Variants in SLC22A24 observed in about 807,000 individuals in gnomAD.
SLC22A24 encodes solute carrier family 22 member 24.
SLC22A24 carries 53 observed loss-of-function variants against 49.8 expected under a neutral mutation model. That is an observed-to-expected ratio of 1.06 (90% confidence interval 0.85 to 1.34). The LOEUF is 1.34. SLC22A24 is among the 40% of genes most tolerant of loss of function. The pLI is 0.00. For synonymous variants in SLC22A24, 302 were observed against 256.4 expected (o/e 1.18, Z -1.70); for missense variants, 786 against 675.9 (o/e 1.16, Z -1.81).
rs368191604 is a variant in SLC22A24 at position 63,134,798 on chromosome 11, G to C, written c.403-30C>G. 8.5e-5 allele frequency: 124 copies of C among 1,464,626 alleles called. No homozygotes were observed. The African/African-American group carries it at 1.6e-3, about 18-fold the overall frequency. 90.7% of individuals were successfully genotyped at this position (1,464,626 alleles called of 1,614,324 possible). ...AAGAGAAAGAAAGCAGTACAGCAGAGCTTGAGAAGAGTTTCAACTCTTTAG... is the reference window on the plus strand; with the variant it reads ...AAGAGAAAGAAAGCAGTACAGCAGACCTTGAGAAGAGTTTCAACTCTTTAG... On this transcript the variant is annotated intron_variant, in intron 1 of 9. Transcript: ENST00000612278.
At chr11:63,117,482 A>T (rs557714235) in intron 4 of SLC22A24, among the ~76,000 whole-genome samples, 36 of 152,278 alleles carry the variant, frequency 2.4e-4, no homozygotes, top group African/African-American at 8.2e-4. Context: ...CAGAGCCCCA[A>T]GATCATCCAG....
At chr11:63,107,073 T>G (rs1401095943) in intron 4 of SLC22A24, among the ~76,000 whole-genome samples, 1 of 152,196 alleles carries the variant, frequency 6.6e-6, no homozygotes, top group Non-Finnish European at 1.5e-5. Flanking sequence ...GATCTAACAT[T>G]TAAGTCTTTA....
chr11:63,118,903 T>G lies in SLC22A24; in HGVS notation c.830+9A>C. On this transcript the variant is annotated intron_variant, in intron 4 of 9. Transcript: ENST00000612278. ...GCTTACAGGCAAAGAATGTGGAGAT[T>G]GTTCATACCAAGAGGACAAGAAGAG... The G allele has an allele frequency of 1.3e-6, 2 of 1,551,970 alleles. No homozygotes were observed. The highest frequency in any genetic ancestry group is 1.2e-5 in the South Asian group (1 of 84,054).
intron 2 of SLC22A24, among the ~76,000 whole-genome samples, chr11:63,133,565 T>A (rs1285028830): frequency 6.6e-6 from 1 of 152,142 alleles, no homozygotes; most frequent in Non-Finnish European, 1.5e-5. Context: ...AGTGCCTCCT[T>A]CAGAAGGAGC....
rs1161803368 is a variant in SLC22A24 at position 63,081,104 on chromosome 11, T to A, written c.1414A>T (p.Asn472Tyr). ...GCCCCAGTCCTACCGGACACTGCAT[T>A]GATTCCTGCAACTGTTGACCTTAGA... The part of the protein sequence containing the change: ...TILRSTVAGI[N>Y]AVSGRTGAAL... Residue 472 changes from asparagine to tyrosine, a missense_variant, in exon 9 of 10, where the codon AAT becomes TAT. Physicochemically the swap from Asn to Tyr is moderately radical, Grantham distance 143. Coordinates refer to ENST00000612278, the MANE Select transcript of SLC22A24 (RefSeq NM_001136506.2). 6.4e-7 allele frequency: 1 copy of A among 1,551,600 alleles called. No homozygotes were observed. Among genetic ancestry groups the A allele is most frequent in the Admixed American group, 2.0e-5 (1 of 51,008 alleles).
chr11:63,092,631 C>G (rs2087027979), intron 6 of SLC22A24, among the ~76,000 whole-genome samples: 1 of 148,338 alleles, frequency 6.7e-6, no homozygotes, highest in Non-Finnish European at 1.5e-5. Flanking sequence ...GGAAAACTGG[C>G]TATCTTTATG....
At chr11:63,089,949 T>C (rs1263003554) in intron 6 of SLC22A24, among the ~76,000 whole-genome samples, 1 of 151,210 alleles carries the variant, frequency 6.6e-6, no homozygotes, top group African/African-American at 2.4e-5. Context: ...GGCGTGGTGG[T>C]GGGCGCCTGT....
intron 2 of SLC22A24, among the ~76,000 whole-genome samples, chr11:63,129,611 A>G (rs1304049925): frequency 6.6e-6 from 1 of 152,230 alleles, no homozygotes; most frequent in Admixed American, 6.5e-5. Context: ...ATCCATGACC[A>G]TGGAATGTTC....
chr11:63,097,120 A>T (rs910747558), intron 5 of SLC22A24, among the ~76,000 whole-genome samples: 1 of 152,148 alleles, frequency 6.6e-6, no homozygotes, highest in Non-Finnish European at 1.5e-5. Context: ...AACTATCATC[A>T]TAGTGAGCAG....
rs187755444 is a variant in SLC22A24, at chr11:63,132,634, G to A, written c.506+2031C>T. ...CAGAAGCTGCAGAACAGCAAATATT[G>A]CAGAACAGCAAATATTGCTGCCTGA... On this transcript the variant is annotated intron_variant, in intron 2 of 9. Coordinates refer to ENST00000612278, the MANE Select transcript of SLC22A24 (RefSeq NM_001136506.2). 3.9e-4 allele frequency among the ~76,000 whole-genome samples: 60 copies of A among 152,284 alleles called. 1 individual carries two copies. Among genetic ancestry groups the A allele is most frequent in the Admixed American group, 2.2e-3 (33 of 15,294 alleles).
At chr11:63,131,739 A>G in intron 2 of SLC22A24, among the ~76,000 whole-genome samples, 1 of 152,114 alleles carries the variant, frequency 6.6e-6, no homozygotes, top group East Asian at 1.9e-4. Flanking sequence ...ACCTTGGTGA[A>G]TCTGACAATT....
chr11:63,103,501 G>T (rs1267223916), intron 5 of SLC22A24, among the ~76,000 whole-genome samples: 1 of 151,934 alleles, frequency 6.6e-6, no homozygotes, highest in Non-Finnish European at 1.5e-5. Context: ...CAATACCCTG[G>T]TACACCCTGG....
intron 2 of SLC22A24, among the ~76,000 whole-genome samples, chr11:63,132,311 T>G (rs1268676744): frequency 6.6e-6 from 1 of 152,172 alleles, no homozygotes; most frequent in African/African-American, 2.4e-5. Context: ...CTTCATCCAG[T>G]TTTTTTCCCT....
chr11:63,132,128 A>G (rs1434569238), intron 2 of SLC22A24, among the ~76,000 whole-genome samples: 2 of 152,142 alleles, frequency 1.3e-5, no homozygotes, highest in Non-Finnish European at 2.9e-5. Context: ...TTTCAGCTCC[A>G]TCCAGTCCTT....
intron 9 of SLC22A24, among the ~76,000 whole-genome samples, chr11:63,080,538 C>T (rs544004260): frequency 1.3e-5 from 2 of 152,334 alleles, no homozygotes; most frequent in Non-Finnish European, 2.9e-5. Context: ...AACAGGCACT[C>T]ATTGAGCCAA....
intron 4 of SLC22A24, among the ~76,000 whole-genome samples, chr11:63,114,046 G>T (rs930385852): frequency 1.3e-5 from 2 of 151,978 alleles, no homozygotes; most frequent in Non-Finnish European, 2.9e-5. Flanking sequence ...GTGTCTTGGG[G>T]TTGCTCTTCT....
chr11:63,108,254 C>T (rs7948021), intron 4 of SLC22A24, among the ~76,000 whole-genome samples: 120,495 of 151,950 alleles, frequency 0.79, 48,935 homozygotes, highest in East Asian at 0.9. Context: ...TTGCATATGC[C>T]GAACCAGCCT....
At chr11:63,083,727 G>A (rs966593018) in intron 6 of SLC22A24, among the ~76,000 whole-genome samples, 8 of 152,266 alleles carry the variant, frequency 5.3e-5, no homozygotes, top group African/African-American at 1.9e-4. Flanking sequence ...GAAGAAAAGA[G>A]ATAGCAAACA....
chr11:63,099,651 T>G (rs572095462), intron 5 of SLC22A24, among the ~76,000 whole-genome samples: 4 of 152,040 alleles, frequency 2.6e-5, no homozygotes, highest in Non-Finnish European at 5.9e-5. Context: ...ATATCCCTGA[T>G]GAATATTGAT....
Sources: gnomAD v4.1 joint callset for allele counts (sites outside exome capture counted in the v4.1 genomes callset) on GRCh38, gnomAD v4.1.1 for gene constraint, MANE v1.5 for transcripts, NCBI Gene and HGNC (gene_info 2026-07-23, HGNC 2026-07-21) for gene names.